The following GFOD2 variants were observed in gnomAD, a reference collection of about 807,000 sequenced individuals.
GFOD2 encodes glucose-fructose oxidoreductase domain-containing protein 2.
In GFOD2, 9 loss-of-function variants were observed where a neutral mutation model predicts 24.6. The ratio of observed to expected loss-of-function variants is 0.37; its 90% CI spans 0.22 to 0.64. GFOD2 has a LOEUF of 0.64. GFOD2 is among the 30% of genes least tolerant of loss of function. The pLI is 0.65. For synonymous variants in GFOD2, 211 were observed against 224.8 expected (o/e 0.94, Z 0.55); for missense variants, 476 against 532.5 (o/e 0.89, Z 1.04).
At chr16:67,699,921 A>C (rs556078373) in intron 1 of GFOD2, among the ~76,000 whole-genome samples, 2 of 151,896 alleles carry the variant, frequency 1.3e-5, no homozygotes, top group South Asian at 2.1e-4. Context: ...CTCTACAAAA[A>C]ACAAACAAAA....
chr16:67,702,545 G>A (rs1307321114), intron 1 of GFOD2, among the ~76,000 whole-genome samples: 3 of 151,196 alleles, frequency 2.0e-5, no homozygotes, highest in African/African-American at 7.3e-5. Flanking sequence ...TCTGTTATAA[G>A]GCCCAGGAAC....
chr16:67,707,639 TATG>T (rs1416730639), intron 1 of GFOD2, among the ~76,000 whole-genome samples: 2 of 152,052 alleles, frequency 1.3e-5, no homozygotes, highest in African/African-American at 2.4e-5. Flanking sequence ...CATCATAAAT[TATG>T]ATGTCACACA....
At chr16:67,710,558 T>G (rs915100186) in intron 1 of GFOD2, among the ~76,000 whole-genome samples, 4 of 151,528 alleles carry the variant, frequency 2.6e-5, no homozygotes, top group African/African-American at 7.3e-5. Flanking sequence ...GAGACGGGGT[T>G]TCACCGTGTT....
At chr16:67,696,174 T>C (rs1050006773) in intron 1 of GFOD2, among the ~76,000 whole-genome samples, 13 of 151,798 alleles carry the variant, frequency 8.6e-5, no homozygotes, top group African/African-American at 3.1e-4. Flanking sequence ...CCACCATGCC[T>C]GGCTAATTTT....
chr16:67,701,753 A>C (rs765885730), intron 1 of GFOD2, among the ~76,000 whole-genome samples: 15 of 151,808 alleles, frequency 9.9e-5, no homozygotes, highest in Non-Finnish European at 1.9e-4. Context: ...TGTTCTGTAA[A>C]TTATACTTCA....
intron 1 of GFOD2, among the ~76,000 whole-genome samples, chr16:67,696,207 GTTTCACCATGTTGGACAGGA>G (rs1462268737): frequency 2.6e-5 from 4 of 151,602 alleles, no homozygotes; most frequent in African/African-American, 9.7e-5. Context: ...TAGAGACGGG[GTTTCACCATGTTGGACAGGA>G]TGGTCCCGAT....
At chr16:67,707,717 T>G (rs550171547) in intron 1 of GFOD2, among the ~76,000 whole-genome samples, 1 of 152,272 alleles carries the variant, frequency 6.6e-6, no homozygotes, top group East Asian at 1.9e-4. Flanking sequence ...TTTAAAAATT[T>G]TATTAATTTT....
intron 1 of GFOD2, among the ~76,000 whole-genome samples, chr16:67,704,177 C>T (rs1159336224): frequency 6.6e-6 from 1 of 152,158 alleles, no homozygotes; most frequent in Non-Finnish European, 1.5e-5. Flanking sequence ...AGTTTTTTGA[C>T]CCCGAGTTCA....
intron 2 of GFOD2, chr16:67,681,739 C>G: frequency 1.0e-6 from 1 of 985,336 alleles, no homozygotes; most frequent in African/African-American, 1.7e-5. Context: ...ACTTAGGGCT[C>G]AGTAGTATCA....
intron 1 of GFOD2, among the ~76,000 whole-genome samples, chr16:67,688,773 C>T (rs1288098272): frequency 1.8e-4 from 25 of 136,330 alleles, no homozygotes; most frequent in Non-Finnish European, 2.7e-4. Flanking sequence ...CTCGCTCTGT[C>T]GCCCAGGCTG....
At chr16:67,696,011 AC>A (rs952945911) in intron 1 of GFOD2, among the ~76,000 whole-genome samples, 3 of 147,178 alleles carry the variant, frequency 2.0e-5, no homozygotes, top group Non-Finnish European at 4.5e-5. Context: ...TACATAGGGA[AC>A]CCTTTTTTTT....
chr16:67,683,267 C>G, intron 2 of GFOD2: 1 of 1,149,018 alleles, frequency 8.7e-7, no homozygotes. Flanking sequence ...GCCAAAGAAC[C>G]CTGGGGTTTC....
chr16:67,693,307 C>T (rs1211778874), intron 1 of GFOD2, among the ~76,000 whole-genome samples: 1 of 151,088 alleles, frequency 6.6e-6, no homozygotes, highest in East Asian at 1.9e-4. Context: ...TTGACACAGT[C>T]TCACTCTGTC....
intron 1 of GFOD2, among the ~76,000 whole-genome samples, chr16:67,695,614 C>T (rs1298202590): frequency 2.6e-5 from 4 of 151,058 alleles, no homozygotes. Context: ...TGGCCCACTG[C>T]AACCTCAGCC....
chr16:67,681,013 C>A, intron 2 of GFOD2: 1 of 985,394 alleles, frequency 1.0e-6, no homozygotes, highest in Non-Finnish European at 1.2e-6. Context: ...GGAGAGTAGC[C>A]CCTGACTGCT....
chr16:67,707,731 G>C (rs1340903255), intron 1 of GFOD2, among the ~76,000 whole-genome samples: 1 of 151,870 alleles, frequency 6.6e-6, no homozygotes, highest in East Asian at 1.9e-4. Flanking sequence ...TAATTTTTTT[G>C]TAGAGATGTG....
At position 67,715,824 on chromosome 16, in the gene GFOD2, C is replaced by T. The variant is rs370415140; in HGVS notation, c.-88+3339G>A. ...GAATTGGACCCCCTGTTATAGAGACCCCCATCTCTACAAAAAAAAAAAAAA... is the reference window on the plus strand; with the variant it reads ...GAATTGGACCCCCTGTTATAGAGACTCCCATCTCTACAAAAAAAAAAAAAA... On this transcript the variant is annotated intron_variant, in intron 1 of 2. Coordinates refer to ENST00000268797, the MANE Select transcript of GFOD2 (RefSeq NM_030819.4). 2.3e-3 allele frequency among the ~76,000 whole-genome samples: 349 copies of T among 151,206 alleles called. 6 individuals carry two copies. Among genetic ancestry groups the T allele is most frequent in the African/African-American group, 7.6e-3 (310 of 40,926 alleles).
intron 1 of GFOD2, among the ~76,000 whole-genome samples, chr16:67,688,610 C>T (rs2053285565): frequency 6.6e-6 from 1 of 152,158 alleles, no homozygotes. Context: ...ATTAGCATCA[C>T]TGGTAACCCT....
rs1423417816 is a variant in GFOD2, at chr16:67,675,141, G to T, written c.*14C>A. 1.3e-6 allele frequency: 2 copies of T among 1,598,716 alleles called. No homozygotes were observed. The highest frequency in any genetic ancestry group is 1.7e-6 in the Non-Finnish European group (2 of 1,170,714). On this transcript the variant is annotated 3_prime_UTR_variant, in exon 3 of 3. Coordinates refer to ENST00000268797, the MANE Select transcript of GFOD2 (RefSeq NM_030819.4). ...TGGTCCCTCTGCCCTGTGGCAAGGA[G>T]CCCAGGTGCAGGCTCATAGGTTGTT... is the stretch of plus-strand genomic sequence containing the variant.
Sources: allele counts gnomAD v4.1 joint callset (sites outside exome capture counted in the v4.1 genomes callset), GRCh38; gene constraint gnomAD v4.1.1; transcripts MANE v1.5; gene names NCBI Gene and HGNC (gene_info 2026-07-23, HGNC 2026-07-21).